Variants in ELAVL2 observed in about 807,000 individuals in gnomAD.
The protein encoded by ELAVL2 is ELAV like RNA binding protein 2, also known as ELAV-like protein 2.
ELAVL2 carries 4 observed loss-of-function variants against 34.6 expected under a neutral mutation model. The ratio of observed to expected loss-of-function variants is 0.12; its 90% confidence interval spans 0.06 to 0.26. The LOEUF (loss-of-function observed/expected upper bound fraction) is 0.26, where lower values mean the gene tolerates loss of function less well. ELAVL2 is among the 10% of genes least tolerant of loss of function. The pLI is 1.00. For synonymous variants in ELAVL2, 193 were observed against 154.8 expected (o/e 1.25, Z -1.83); for missense variants, 432 against 442.8 (o/e 0.98, Z 0.22).
intron 2 of ELAVL2, among the ~76,000 whole-genome samples, chr9:23,739,796 C>G (rs532654754): frequency 6.6e-6 from 1 of 151,810 alleles, no homozygotes; most frequent in African/African-American, 2.4e-5. Flanking sequence ...CACACACACA[C>G]GCACACACCC....
intron 1 of ELAVL2, among the ~76,000 whole-genome samples, chr9:23,771,425 A>C (rs1268357302): frequency 6.6e-6 from 1 of 152,084 alleles, no homozygotes; most frequent in Admixed American, 6.5e-5. Context: ...GGATATATAT[A>C]TAAATCTATA....
chr9:23,848,150 A>G, the ELAVL2 span, among the ~76,000 whole-genome samples: 1 of 152,060 alleles, frequency 6.6e-6, no homozygotes, highest in Non-Finnish European at 1.5e-5. Context: ...TTAAAACCCC[A>G]GGTAGTGTTA....
chr9:23,790,478 C>T (rs977010055), intron 1 of ELAVL2, among the ~76,000 whole-genome samples: 1 of 152,232 alleles, frequency 6.6e-6, no homozygotes, highest in Admixed American at 6.5e-5. Context: ...AATTCACTTT[C>T]AAATATAATG....
intron 2 of ELAVL2, among the ~76,000 whole-genome samples, chr9:23,750,587 C>A (rs1052679297): frequency 6.6e-6 from 1 of 152,078 alleles, no homozygotes; most frequent in East Asian, 1.9e-4. Flanking sequence ...TAACCTAATA[C>A]TCAGGTTCAC....
intron 1 of ELAVL2, among the ~76,000 whole-genome samples, chr9:23,785,062 AG>A (rs1449504891): frequency 1.3e-5 from 2 of 152,226 alleles, no homozygotes; most frequent in Non-Finnish European, 2.9e-5. Flanking sequence ...ATAATGTGTC[AG>A]ATGGTCTTAA....
At chr9:23,773,991 C>T (rs1434103048) in intron 1 of ELAVL2, among the ~76,000 whole-genome samples, 2 of 151,792 alleles carry the variant, frequency 1.3e-5, no homozygotes, top group Admixed American at 1.3e-4. Flanking sequence ...GCGGGCAGAT[C>T]ACGAGGTCAG....
chr9:23,705,531 A>T (rs1398708816), intron 3 of ELAVL2, among the ~76,000 whole-genome samples: 1 of 152,228 alleles, frequency 6.6e-6, no homozygotes, highest in Non-Finnish European at 1.5e-5. Context: ...TCACAATAAT[A>T]GGCTGTCTTC....
intron 5 of ELAVL2, among the ~76,000 whole-genome samples, chr9:23,695,568 G>A (rs951833363): frequency 2.0e-5 from 3 of 152,108 alleles, no homozygotes; most frequent in African/African-American, 4.8e-5. Flanking sequence ...GTTGTTGTAC[G>A]ATCATAGAAT....
chr9:23,766,643 A>G (rs1032488578), intron 1 of ELAVL2, among the ~76,000 whole-genome samples: 2 of 152,064 alleles, frequency 1.3e-5, no homozygotes, highest in East Asian at 3.9e-4. Flanking sequence ...ATGGAAAATG[A>G]TTCTACTGCA....
At chr9:23,703,903 G>C (rs1333661111) in intron 4 of ELAVL2, among the ~76,000 whole-genome samples, 3 of 152,030 alleles carry the variant, frequency 2.0e-5, no homozygotes, top group African/African-American at 7.2e-5. Context: ...GTTTCCTAAA[G>C]AACAAGTATT....
Position 23,797,392 on chromosome 9 carries a change from A to T in ELAVL2, c.-16+28414T>A, listed in dbSNP as rs147489345. Among the ~76,000 whole-genome samples the T allele has an allele frequency of 6.2e-3, 945 of 152,352 alleles. 4 individuals are homozygous for T. The highest frequency in any genetic ancestry group is 0.014 in the Middle Eastern group (4 of 294). ...AGGAACAGTGTAAATATAAACACAA[A>T]CTAAATGAAGAAATGTGTAAGTCAT... On this transcript the variant is annotated intron_variant, in intron 1 of 6. Coordinates refer to ENST00000397312, the MANE Select transcript of ELAVL2 (RefSeq NM_004432.5).
intron 1 of ELAVL2, among the ~76,000 whole-genome samples, chr9:23,797,141 G>A (rs1287939165): frequency 2.0e-5 from 3 of 152,242 alleles, no homozygotes; most frequent in South Asian, 4.2e-4. Context: ...CTAACAACAG[G>A]ATTTGAAGAG....
chr9:23,719,629 C>G (rs996267892), intron 3 of ELAVL2, among the ~76,000 whole-genome samples: 1 of 152,024 alleles, frequency 6.6e-6, no homozygotes, highest in African/African-American at 2.4e-5. Flanking sequence ...ATTAAGTTTG[C>G]ATATAGCAAA....
intron 3 of ELAVL2, among the ~76,000 whole-genome samples, chr9:23,705,644 A>AAAT: frequency 6.6e-6 from 1 of 152,190 alleles, no homozygotes; most frequent in East Asian, 1.9e-4. Flanking sequence ...GGGATGCATT[A>AAAT]GATTCTCATA....
chr9:23,715,159 G>A (rs1455153577), intron 3 of ELAVL2, among the ~76,000 whole-genome samples: 1 of 152,136 alleles, frequency 6.6e-6, no homozygotes, highest in East Asian at 1.9e-4. Flanking sequence ...ATGGCCTTGT[G>A]CAGGAGGTTT....
At chr9:23,788,579 G>A (rs2059974579) in intron 1 of ELAVL2, among the ~76,000 whole-genome samples, 1 of 152,178 alleles carries the variant, frequency 6.6e-6, no homozygotes, top group Admixed American at 6.5e-5. Flanking sequence ...TTATGTATAT[G>A]TGATCTCTCA....
chr9:23,772,534 CAAA>C (rs11450267), intron 1 of ELAVL2, among the ~76,000 whole-genome samples: 4 of 67,650 alleles, frequency 5.9e-5, no homozygotes, highest in Non-Finnish European at 9.0e-5. Flanking sequence ...CAGCTTACAC[CAAA>C]AAAAAAAAAA....
intron 1 of ELAVL2, among the ~76,000 whole-genome samples, chr9:23,815,103 T>C (rs546238546): frequency 2.0e-5 from 3 of 152,268 alleles, no homozygotes; most frequent in African/African-American, 4.8e-5. Flanking sequence ...TTGTGATGTA[T>C]AGGAATGGAT....
chr9:23,769,752 C>T (rs528441006), intron 1 of ELAVL2, among the ~76,000 whole-genome samples: 11 of 152,252 alleles, frequency 7.2e-5, no homozygotes, highest in Middle Eastern at 3.4e-3. Context: ...CAGCTGCACG[C>T]GTCATAAGGA....
Sources: gnomAD v4.1 joint callset for allele counts (sites outside exome capture counted in the v4.1 genomes callset) on GRCh38, gnomAD v4.1.1 for gene constraint, MANE v1.5 for transcripts, NCBI Gene and HGNC (gene_info 2026-07-23, HGNC 2026-07-21) for gene names.